RMDN2: variants seen among roughly 807,000 people sequenced by gnomAD.
RMDN2 encodes regulator of microtubule dynamics 2.
A neutral mutation model predicts 52.8 loss-of-function variants in RMDN2; 61 were observed. The ratio of observed to expected loss-of-function variants is 1.16; its 90% CI spans 0.94 to 1.43. RMDN2 has a LOEUF of 1.43. RMDN2 is among the 40% of genes most tolerant of loss of function. The pLI, the probability that RMDN2 is intolerant of heterozygous loss-of-function variation, is 0.00. For synonymous variants in RMDN2, 180 were observed against 153.1 expected (o/e 1.18, Z -1.30); for missense variants, 592 against 475.3 (o/e 1.25, Z -2.28).
intron 10 of RMDN2, among the ~76,000 whole-genome samples, chr2:38,009,659 C>T (rs1677657359): frequency 6.6e-6 from 1 of 152,130 alleles, no homozygotes; most frequent in South Asian, 2.1e-4. Context: ...TTTCGAACTT[C>T]CTCCTTTAGC....
upstream of RMDN2, among the ~76,000 whole-genome samples, chr2:37,925,135 C>CGGCGCGAGCCA (rs1666161113): frequency 6.6e-6 from 1 of 152,128 alleles, no homozygotes; most frequent in Non-Finnish European, 1.5e-5. Flanking sequence ...ACACACGGTC[C>CGGCGCGAGCCA]GGCGCGAGCC....
chr2:37,976,967 T>C (rs1205096930), intron 4 of RMDN2, among the ~76,000 whole-genome samples: 3 of 152,144 alleles, frequency 2.0e-5, no homozygotes, highest in Non-Finnish European at 4.4e-5. Context: ...CAAAGGTCTC[T>C]GGTTTTCCTA....
intron 10 of RMDN2, among the ~76,000 whole-genome samples, chr2:38,033,659 T>C (rs754879548): frequency 1.3e-5 from 2 of 152,260 alleles, no homozygotes; most frequent in Non-Finnish European, 2.9e-5. Flanking sequence ...TGTGTTTTCA[T>C]AGGGCTCAAT....
At chr2:37,923,801 G>A (rs376002514), upstream of RMDN2, among the ~76,000 whole-genome samples, 1 of 152,180 alleles carries the variant, frequency 6.6e-6, no homozygotes, top group Admixed American at 6.5e-5. Flanking sequence ...CCAGACTGGT[G>A]AGCAGTGGCC....
At chr2:38,015,563 C>CAAAAAAAAAA (rs397984334) in intron 10 of RMDN2, among the ~76,000 whole-genome samples, 1 of 98,600 alleles carries the variant, frequency 1.0e-5, no homozygotes. Flanking sequence ...GACTCCGTCT[C>CAAAAAAAAAA]AAAAAAAAAA....
chr2:37,998,442 C>G (rs1675866777), intron 8 of RMDN2: 1 of 152,234 alleles, frequency 6.6e-6, no homozygotes, highest in African/African-American at 2.4e-5. Context: ...AGGAGAATCA[C>G]TTGAGCCCAG....
intron 2 of RMDN2, among the ~76,000 whole-genome samples, chr2:37,960,020 T>A (rs1669996256): frequency 6.6e-6 from 1 of 152,158 alleles, no homozygotes; most frequent in African/African-American, 2.4e-5. Flanking sequence ...ACTGTTATGA[T>A]TTCTGTTCTT....
intron 10 of RMDN2, chr2:38,026,877 C>A (rs1167000892): frequency 3.3e-5 from 5 of 151,990 alleles, no homozygotes; most frequent in African/African-American, 1.2e-4. Context: ...TTTCTAATTT[C>A]CATTTTGCTT....
rs1022084891 is a variant in RMDN2 at position 37,948,762 on chromosome 2, A to G, written c.452+19033A>G. Among the ~76,000 whole-genome samples the G allele has an allele frequency of 3.3e-4, 50 of 152,146 alleles. 1 individual carries two copies. Among genetic ancestry groups the G allele is most frequent in the African/African-American group, 1.1e-3 (45 of 41,428 alleles). ...TCTGGATCTTCTTCCTCATCCCCCA[A>G]ATGCGCACACACCTAAACACCGTTT... On this transcript the variant is annotated intron_variant, in intron 2 of 10. Transcript: ENST00000354545.
intron 10 of RMDN2, among the ~76,000 whole-genome samples, chr2:38,008,660 A>G (rs1365651134): frequency 6.6e-6 from 1 of 152,162 alleles, no homozygotes; most frequent in Non-Finnish European, 1.5e-5. Flanking sequence ...CTCTTTATCC[A>G]ATTGGCCTGT....
intron 10 of RMDN2, chr2:38,029,388 C>T (rs960650132): frequency 2.6e-5 from 4 of 152,116 alleles, no homozygotes; most frequent in Admixed American, 2.6e-4. Context: ...CCTTCTGATC[C>T]ACATAGCCAG....
chr2:38,004,312 C>G lies in RMDN2; in HGVS notation c.1179+96C>G, dbSNP rs1329728016. ...CGCTTAGATACATTTGTAGTTTTCT[C>G]TATTCAATTTTATGTATTTATTTTT... On this transcript the variant is annotated intron_variant, in intron 10 of 10. Coordinates refer to ENST00000354545, the MANE Select transcript of RMDN2 (RefSeq NM_001170791.3). 7.4e-6 allele frequency: 6 copies of G among 808,004 alleles called. No individual in the cohort carries two copies. In the African/African-American group the frequency reaches 8.7e-5, roughly 12 times the overall value. 50.1% of individuals were successfully genotyped at this position (808,004 alleles called of 1,614,324 possible).
intron 2 of RMDN2, among the ~76,000 whole-genome samples, chr2:37,930,832 A>C (rs1309258594): frequency 6.6e-6 from 1 of 152,136 alleles, no homozygotes; most frequent in Non-Finnish European, 1.5e-5. Context: ...TAGCAGAGTG[A>C]GGGTTAAGGC....
intron 4 of RMDN2, among the ~76,000 whole-genome samples, chr2:37,979,520 G>A (rs1485503430): frequency 6.6e-6 from 1 of 152,184 alleles, no homozygotes; most frequent in Non-Finnish European, 1.5e-5. Flanking sequence ...TTGATCACTG[G>A]AGAGTACAAA....
At chr2:37,924,443 G>A (rs916990238), upstream of RMDN2, among the ~76,000 whole-genome samples, 1 of 152,206 alleles carries the variant, frequency 6.6e-6, no homozygotes, top group African/African-American at 2.4e-5. Flanking sequence ...TCGCCTCACT[G>A]CAACCTCTGC....
At chr2:37,982,220 C>T (rs1189066125) in intron 5 of RMDN2, among the ~76,000 whole-genome samples, 2 of 152,114 alleles carry the variant, frequency 1.3e-5, no homozygotes, top group African/African-American at 4.8e-5. Flanking sequence ...CATTTTTGCC[C>T]CACCAAAATC....
At chr2:37,932,048 ATTTATTTATTTAT>A (rs1449688199) in intron 2 of RMDN2, among the ~76,000 whole-genome samples, 4 of 151,914 alleles carry the variant, frequency 2.6e-5, no homozygotes, top group East Asian at 1.9e-4. Flanking sequence ...CAAAAAATTT[ATTTATTTATTTAT>A]TTTATTTATT....
intron 2 of RMDN2, among the ~76,000 whole-genome samples, chr2:37,938,965 C>G (rs977544861): frequency 6.6e-6 from 1 of 152,116 alleles, no homozygotes; most frequent in Non-Finnish European, 1.5e-5. Context: ...TCTTGCTGCA[C>G]TAGTTCTTTT....
At chr2:38,063,600 T>G (rs11674584) in intron 10 of RMDN2, among the ~76,000 whole-genome samples, 1 of 151,448 alleles carries the variant, frequency 6.6e-6, no homozygotes. Flanking sequence ...GAAACTACCA[T>G]CAGAGTGAAC....
Sources: allele counts gnomAD v4.1 joint callset (sites outside exome capture counted in the v4.1 genomes callset), GRCh38; gene constraint gnomAD v4.1.1; transcripts MANE v1.5; gene names NCBI Gene and HGNC (gene_info 2026-07-23, HGNC 2026-07-21).